The following BNC2 variants were observed in gnomAD, a reference collection of about 807,000 sequenced individuals.
BNC2 encodes the protein zinc finger protein basonuclin-2.
A neutral mutation model predicts 76.3 loss-of-function variants in BNC2; 20 were observed. The observed-to-expected ratio is 0.26, with a 90% confidence interval of 0.18 to 0.38. BNC2 has a LOEUF of 0.38. BNC2 is among the 10% of genes least tolerant of loss of function. The pLI, the probability that BNC2 is intolerant of heterozygous loss-of-function variation, is 1.00. For synonymous variants in BNC2, 582 were observed against 514.8 expected, an observed-to-expected ratio of 1.13 and a Z score of -1.77; for missense variants, 1,382 against 1,399.8, an observed-to-expected ratio of 0.99 and a Z score of 0.20.
At chr9:16,575,254 T>C (rs1819450357) in intron 4 of BNC2, 1 of 985,282 alleles carries the variant, frequency 1.0e-6, no homozygotes, top group Non-Finnish European at 1.2e-6. Context: ...ATTTTGTATA[T>C]TGCCTCCCAT....
intron 3 of BNC2, among the ~76,000 whole-genome samples, chr9:16,724,497 T>C (rs1824255632): frequency 6.6e-6 from 1 of 152,088 alleles, no homozygotes; most frequent in Non-Finnish European, 1.5e-5. Context: ...TGTTCTCAAA[T>C]ACTCAGCTAT....
intron 3 of BNC2, among the ~76,000 whole-genome samples, chr9:16,588,997 C>T (rs561947620): frequency 9.2e-5 from 14 of 152,256 alleles, no homozygotes; most frequent in Non-Finnish European, 1.6e-4. Flanking sequence ...CAAAATATGG[C>T]CTTTGGGCAA....
At chr9:16,838,213 A>C (rs4995398) in intron 1 of BNC2, among the ~76,000 whole-genome samples, 1 of 152,050 alleles carries the variant, frequency 6.6e-6, no homozygotes. Context: ...ATTTTTTTCC[A>C]TGTACAAATA....
In BNC2 at chr9:16,748,907, T is replaced by TTTTCAC. The variant is rs548590012; in HGVS notation, c.4-10428_4-10423dup. Among the ~76,000 whole-genome samples, 721 of 121,868 alleles carry TTTTCAC rather than the reference T, an allele frequency of 5.9e-3. 12 individuals are homozygous for TTTTCAC. Among genetic ancestry groups the TTTTCAC allele is most frequent in the African/African-American group, 0.022 (694 of 31,550 alleles). 80.0% of individuals were successfully genotyped at this position (121,868 alleles called of 152,430 possible). ...TTCTCTGTGTAAGCTTCTGTACTTT[T>TTTTCAC]TTTCACTTTTTATACTATATATATA... is the stretch of plus-strand genomic sequence containing the variant. On this transcript the variant is annotated intron_variant, in intron 1 of 6. Coordinates refer to ENST00000380672, the MANE Select transcript of BNC2 (RefSeq NM_017637.6).
At chr9:16,849,681 G>A (rs1051367152) in intron 1 of BNC2, among the ~76,000 whole-genome samples, 4 of 152,000 alleles carry the variant, frequency 2.6e-5, no homozygotes, top group Non-Finnish European at 2.9e-5. Flanking sequence ...TGCATTTTAC[G>A]CTGTGGAGAA....
chr9:16,652,553 A>G (rs1369486285), intron 3 of BNC2, among the ~76,000 whole-genome samples: 1 of 152,232 alleles, frequency 6.6e-6, no homozygotes, highest in Admixed American at 6.5e-5. Context: ...AATGTAATAT[A>G]GTATTACACA....
intron 1 of BNC2, among the ~76,000 whole-genome samples, chr9:16,784,059 A>T (rs1826218261): frequency 6.6e-6 from 1 of 152,228 alleles, no homozygotes; most frequent in Non-Finnish European, 1.5e-5. Flanking sequence ...TGCTTAAAAC[A>T]AGAAAAAAAA....
chr9:16,513,714 G>C (rs1822813049), intron 5 of BNC2, among the ~76,000 whole-genome samples: 1 of 152,178 alleles, frequency 6.6e-6, no homozygotes, highest in Non-Finnish European at 1.5e-5. Flanking sequence ...TTCATTCAGA[G>C]TTGTACATGA....
intron 1 of BNC2, among the ~76,000 whole-genome samples, chr9:16,837,971 C>T (rs1818745418): frequency 6.6e-6 from 1 of 151,928 alleles, no homozygotes; most frequent in African/African-American, 2.4e-5. Context: ...TTTTGCTCTG[C>T]TTTCTGTATT....
At chr9:16,845,558 A>G (rs868698787) in intron 1 of BNC2, among the ~76,000 whole-genome samples, 1 of 151,764 alleles carries the variant, frequency 6.6e-6, no homozygotes, top group South Asian at 2.1e-4. Flanking sequence ...CATCTCTACT[A>G]AAAATACAAA....
intron 1 of BNC2, among the ~76,000 whole-genome samples, chr9:16,824,746 C>A (rs913755979): frequency 6.6e-6 from 1 of 152,162 alleles, no homozygotes; most frequent in Admixed American, 6.5e-5. Flanking sequence ...ACAGAGGGAA[C>A]CTGTTTCAGG....
intron 5 of BNC2, among the ~76,000 whole-genome samples, chr9:16,461,081 CTA>C (rs936141835): frequency 2.0e-5 from 3 of 151,906 alleles, no homozygotes; most frequent in Non-Finnish European, 4.4e-5. Context: ...ACTAGAAAAA[CTA>C]TACTTTGATC....
intron 5 of BNC2, among the ~76,000 whole-genome samples, chr9:16,479,891 C>A (rs747876383): frequency 2.6e-5 from 4 of 152,148 alleles, no homozygotes; most frequent in Non-Finnish European, 5.9e-5. Flanking sequence ...AGAATACTTA[C>A]CTTTGACAGT....
intron 1 of BNC2, among the ~76,000 whole-genome samples, chr9:16,865,666 CAA>C (rs974006906): frequency 2.0e-5 from 3 of 151,752 alleles, no homozygotes; most frequent in Non-Finnish European, 4.4e-5. Flanking sequence ...TCTAGAATGT[CAA>C]AGAGAAAATA....
chr9:16,837,963 T>C (rs1030523407), intron 1 of BNC2, among the ~76,000 whole-genome samples: 2 of 152,122 alleles, frequency 1.3e-5, no homozygotes, highest in Non-Finnish European at 2.9e-5. Flanking sequence ...TCTTTCACTT[T>C]TGCTCTGCTT....
At chr9:16,532,583 G>A (rs1818016379) in intron 5 of BNC2, among the ~76,000 whole-genome samples, 1 of 152,130 alleles carries the variant, frequency 6.6e-6, no homozygotes, top group Non-Finnish European at 1.5e-5. Context: ...GAAATTTTGG[G>A]AGTTGGTGGT....
intron 1 of BNC2, among the ~76,000 whole-genome samples, chr9:16,780,080 CA>C (rs1203501453): frequency 2.0e-5 from 3 of 149,446 alleles, no homozygotes; most frequent in East Asian, 2.0e-4. Context: ...ACTAAAAATA[CA>C]AAAAATTAGC....
intron 3 of BNC2, among the ~76,000 whole-genome samples, chr9:16,618,870 G>A (rs531487166): frequency 2.2e-4 from 34 of 152,228 alleles, no homozygotes; most frequent in African/African-American, 3.1e-4. Flanking sequence ...AAGAAAAGGC[G>A]CCCTTCTAAA....
intron 1 of BNC2, among the ~76,000 whole-genome samples, chr9:16,834,421 A>G (rs116022111): frequency 0.023 from 3,522 of 152,300 alleles, 134 homozygotes; most frequent in African/African-American, 0.08. Context: ...GGTAGCAATG[A>G]CAGACAGTTG....
Sources: gnomAD v4.1 joint callset for allele counts (sites outside exome capture counted in the v4.1 genomes callset) on GRCh38, gnomAD v4.1.1 for gene constraint, MANE v1.5 for transcripts, NCBI Gene and HGNC (gene_info 2026-07-23, HGNC 2026-07-21) for gene names.